Variants in TAFA2 observed in about 807,000 individuals in gnomAD.
The protein encoded by TAFA2 is TAFA chemokine like family member 2, also known as chemokine-like protein TAFA-2.
TAFA2 carries 7 observed loss-of-function variants against 18.8 expected under a neutral mutation model. The ratio of observed to expected loss-of-function variants is 0.37; its 90% CI spans 0.21 to 0.70. TAFA2 has a LOEUF of 0.70. Ranked by LOEUF, TAFA2 falls within the 30% of genes least tolerant of loss-of-function variation. TAFA2 has a pLI of 0.53. For missense variants in TAFA2, 122 were observed against 158.1 expected, an observed-to-expected ratio of 0.77 and a Z score of 1.23; for synonymous variants, 60 against 54.2, an observed-to-expected ratio of 1.11 and a Z score of -0.47.
intron 1 of TAFA2, among the ~76,000 whole-genome samples, chr12:62,128,658 A>T (rs938298373): frequency 2.0e-5 from 3 of 152,012 alleles, no homozygotes; most frequent in African/African-American, 7.2e-5. Context: ...GCAGGATGGC[A>T]AGGACTATTC....
chr12:62,251,013 T>C (rs959922946), intron 1 of TAFA2, among the ~76,000 whole-genome samples: 6 of 133,770 alleles, frequency 4.5e-5, no homozygotes, highest in South Asian at 2.2e-4. Context: ...GCGTATATTG[T>C]TGTATGGCAC....
chr12:61,752,100 T>C (rs189837710), intron 4 of TAFA2, among the ~76,000 whole-genome samples: 2 of 152,186 alleles, frequency 1.3e-5, no homozygotes, highest in Admixed American at 1.3e-4. Flanking sequence ...TAGCTATATG[T>C]CCTTGGGAAG....
At chr12:61,819,610 A>G (rs1031013519) in intron 2 of TAFA2, among the ~76,000 whole-genome samples, 4 of 152,098 alleles carry the variant, frequency 2.6e-5, no homozygotes, top group Non-Finnish European at 5.9e-5. Flanking sequence ...ATTCTATATT[A>G]TCTTTGCTCG....
intron 1 of TAFA2, chr12:62,104,828 T>C (rs1375386551): frequency 2.8e-6 from 1 of 358,310 alleles, no homozygotes; most frequent in African/African-American, 2.2e-5. Context: ...GACAAGGTGA[T>C]TTTGAGGCTC....
intron 1 of TAFA2, among the ~76,000 whole-genome samples, chr12:62,118,728 G>A (rs1022271887): frequency 1.4e-4 from 22 of 151,938 alleles, no homozygotes; most frequent in African/African-American, 4.1e-4. Context: ...ATGTGATATC[G>A]TGTAATAAAC....
At chr12:61,752,575 A>C (rs1259573667) in intron 4 of TAFA2, among the ~76,000 whole-genome samples, 2 of 152,058 alleles carry the variant, frequency 1.3e-5, no homozygotes, top group Non-Finnish European at 2.9e-5. Flanking sequence ...ACACTTAGCT[A>C]ACAGGTTAGA....
At chr12:62,032,784 G>A (rs1418699086) in intron 1 of TAFA2, among the ~76,000 whole-genome samples, 1 of 151,996 alleles carries the variant, frequency 6.6e-6, no homozygotes, top group African/African-American at 2.4e-5. Context: ...TACCATATAT[G>A]AATCAGACAA....
chr12:62,040,134 G>A (rs1881719225), intron 1 of TAFA2, among the ~76,000 whole-genome samples: 1 of 152,132 alleles, frequency 6.6e-6, no homozygotes, highest in South Asian at 2.1e-4. Flanking sequence ...ACCAAAAAGT[G>A]AAATAGCCAG....
intron 1 of TAFA2, among the ~76,000 whole-genome samples, chr12:61,952,564 C>A (rs1471251765): frequency 6.6e-6 from 1 of 151,904 alleles, no homozygotes; most frequent in Admixed American, 6.6e-5. Context: ...ACAGATAAGC[C>A]CATTGGAAAC....
chr12:61,884,648 C>A (rs181091642), intron 1 of TAFA2, among the ~76,000 whole-genome samples: 13 of 152,066 alleles, frequency 8.5e-5, no homozygotes, highest in African/African-American at 3.1e-4. Flanking sequence ...TTCAGAAAGA[C>A]CTTCACTATA....
chr12:62,251,004 C>T (rs907438012), intron 1 of TAFA2, among the ~76,000 whole-genome samples: 8 of 132,492 alleles, frequency 6.0e-5, no homozygotes, highest in African/African-American at 1.3e-4. Flanking sequence ...AGGAAATATG[C>T]GTATATTGTT....
At chr12:61,802,311 T>C (rs1337304075) in intron 2 of TAFA2, among the ~76,000 whole-genome samples, 1 of 152,034 alleles carries the variant, frequency 6.6e-6, no homozygotes, top group Non-Finnish European at 1.5e-5. Flanking sequence ...TGCACCCCCA[T>C]GTTTATTGCA....
At chr12:62,092,242 A>G (rs1351700974) in intron 1 of TAFA2, among the ~76,000 whole-genome samples, 2 of 151,940 alleles carry the variant, frequency 1.3e-5, no homozygotes, top group African/African-American at 4.8e-5. Flanking sequence ...ATATAAAAAC[A>G]TAAATATGCT....
chr12:62,074,521 C>T lies in TAFA2; in HGVS notation c.-2+116738G>A, dbSNP rs539285945. 2.6e-5 allele frequency among the ~76,000 whole-genome samples: 4 copies of T among 152,168 alleles called. No individual in the cohort carries two copies. In the South Asian group the frequency reaches 8.3e-4, roughly 32 times the overall value. ...TCTGCAGGAAAACATTCTACATTTT[C>T]GTTTAGCTAACAAATCCATAGCTAT... is the stretch of plus-strand genomic sequence containing the variant. On this transcript the variant is annotated intron_variant, in intron 1 of 4. Transcript: ENST00000416284.
intron 2 of TAFA2, among the ~76,000 whole-genome samples, chr12:61,856,149 C>T (rs999792443): frequency 1.3e-5 from 2 of 151,750 alleles, no homozygotes; most frequent in Non-Finnish European, 2.9e-5. Flanking sequence ...TGCCATCCCC[C>T]TCCCCTCAAA....
At chr12:61,864,935 T>G (rs2121211880) in intron 2 of TAFA2, among the ~76,000 whole-genome samples, 1 of 152,286 alleles carries the variant, frequency 6.6e-6, no homozygotes, top group East Asian at 1.9e-4. Flanking sequence ...GATATCTTAC[T>G]AATTAATTCA....
At chr12:61,970,903 G>A (rs1383233293) in intron 1 of TAFA2, among the ~76,000 whole-genome samples, 1 of 151,338 alleles carries the variant, frequency 6.6e-6, no homozygotes, top group Admixed American at 6.6e-5. Flanking sequence ...GAATCTAGAA[G>A]GCTAAAGTAT....
chr12:61,712,604 A>G (rs1443907208), intron 4 of TAFA2, among the ~76,000 whole-genome samples: 1 of 152,186 alleles, frequency 6.6e-6, no homozygotes, highest in East Asian at 1.9e-4. Context: ...CATAATTGCT[A>G]GAGAAACAAA....
chr12:61,859,353 C>T (rs1016127981), intron 2 of TAFA2, among the ~76,000 whole-genome samples: 4 of 152,218 alleles, frequency 2.6e-5, no homozygotes, highest in Admixed American at 6.5e-5. Flanking sequence ...ACCATTGACA[C>T]GTGGGGATTA....
Sources: allele counts gnomAD v4.1 joint callset (sites outside exome capture counted in the v4.1 genomes callset), GRCh38; gene constraint gnomAD v4.1.1; transcripts MANE v1.5; gene names NCBI Gene and HGNC (gene_info 2026-07-23, HGNC 2026-07-21).